Variants in LPP observed in about 807,000 individuals in gnomAD.
LPP encodes LIM domain containing preferred translocation partner in lipoma.
A neutral mutation model predicts 60.4 loss-of-function variants in LPP; 38 were observed. The ratio of observed to expected loss-of-function variants is 0.63; its 90% CI spans 0.49 to 0.83. The LOEUF (loss-of-function observed/expected upper bound fraction) is 0.83, where lower values mean the gene tolerates loss of function less well. Ranked by LOEUF, LPP falls within the 40% of genes least tolerant of loss-of-function variation. The probability of loss-of-function intolerance (pLI) is 0.00; values close to 1 mark genes in which losing one functional copy is unlikely to be tolerated. For missense variants in LPP, 902 were observed against 783.6 expected (o/e 1.15, Z -1.80); for synonymous variants, 328 against 290.8 (o/e 1.13, Z -1.30).
At chr3:188,708,502 G>GTATATCAACTCT in intron 8 of LPP, 109 bp downstream of exon 8, 2 of 1,447,172 alleles carry the variant, frequency 1.4e-6, no homozygotes, top group Non-Finnish European at 1.9e-6. Flanking sequence ...GAGTCCAGAT[G>GTATATCAACTCT]CATGAGAGTT....
chr3:188,708,482 T>A, intron 8 of LPP, 89 bp downstream of exon 8: 1 of 1,559,840 alleles, frequency 6.4e-7, no homozygotes, highest in Non-Finnish European at 8.8e-7. Flanking sequence ...GCTCCACTGG[T>A]AAAGTATTTG....
At chr3:188,696,326 C>G (rs1863231852) in intron 7 of LPP, among the ~76,000 whole-genome samples, 1 of 152,048 alleles carries the variant, frequency 6.6e-6, no homozygotes, top group South Asian at 2.1e-4. Context: ...ATATTAGTTT[C>G]TTAATTGGTG....
At chr3:188,844,393 T>C (rs1188300996) in intron 9 of LPP, among the ~76,000 whole-genome samples, 1 of 152,230 alleles carries the variant, frequency 6.6e-6, no homozygotes, top group East Asian at 1.9e-4. Context: ...GGAAAGGCCT[T>C]TGAAACATAA....
rs1052871250 is a variant in LPP at position 188,888,499 on chromosome 3, G to A, written c.*14020G>A. The A allele has an allele frequency of 1.1e-4, 26 of 227,902 alleles. No homozygotes were observed. Among genetic ancestry groups the A allele is most frequent in the African/African-American group, 5.1e-4 (23 of 45,012 alleles). 14.1% of individuals were successfully genotyped at this position (227,902 alleles called of 1,614,324 possible). On this transcript the variant is annotated 3_prime_UTR_variant, in exon 12 of 12. Coordinates refer to ENST00000617246, the MANE Select transcript of LPP (RefSeq NM_001375462.1). ...CTGAATATAGCCATTTGCCGACTCC[G>A]GCCTCTTTGCGAGACTGACTCAAAT... is the stretch of plus-strand genomic sequence containing the variant.
intron 3 of LPP, among the ~76,000 whole-genome samples, chr3:188,379,249 A>G (rs1213861309): frequency 6.6e-6 from 1 of 152,220 alleles, no homozygotes; most frequent in African/African-American, 2.4e-5. Flanking sequence ...ATTGCCAGCC[A>G]CAATGAAATA....
intron 4 of LPP, among the ~76,000 whole-genome samples, chr3:188,450,717 C>T (rs544432844): frequency 6.7e-6 from 1 of 149,224 alleles, no homozygotes; most frequent in Non-Finnish European, 1.5e-5. Context: ...TGCACTCCAG[C>T]TTGGGTGACA....
At chr3:188,506,111 C>T (rs1490256894) in intron 5 of LPP, among the ~76,000 whole-genome samples, 4 of 152,128 alleles carry the variant, frequency 2.6e-5, no homozygotes, top group African/African-American at 7.2e-5. Flanking sequence ...TTTACTCATA[C>T]GTGTCTGACA....
intron 3 of LPP, among the ~76,000 whole-genome samples, chr3:188,379,230 A>G (rs947437173): frequency 6.6e-6 from 1 of 152,220 alleles, no homozygotes; most frequent in Non-Finnish European, 1.5e-5. Flanking sequence ...ACTAACCAAA[A>G]GTAATTATAT....
chr3:188,203,604 A>AATATATATTTAAATAT (rs1577271854), intron 1 of LPP, among the ~76,000 whole-genome samples: 43 of 110,406 alleles, frequency 3.9e-4, no homozygotes, highest in African/African-American at 1.5e-3. Context: ...AATATATATA[A>AATATATATTTAAATAT]ATATATATTT....
At chr3:188,789,779 C>T (rs968694790) in intron 9 of LPP, among the ~76,000 whole-genome samples, 3 of 152,100 alleles carry the variant, frequency 2.0e-5, no homozygotes, top group African/African-American at 7.2e-5. Context: ...AACCTATCAA[C>T]AGGCAATTCA....
chr3:188,301,716 G>C (rs1749925285), intron 2 of LPP, among the ~76,000 whole-genome samples: 1 of 151,820 alleles, frequency 6.6e-6, no homozygotes, highest in Non-Finnish European at 1.5e-5. Context: ...ACCCAGGCTG[G>C]AGTGCAGTGG....
intron 4 of LPP, among the ~76,000 whole-genome samples, chr3:188,459,067 A>C (rs1217830142): frequency 6.6e-6 from 1 of 152,184 alleles, no homozygotes; most frequent in Non-Finnish European, 1.5e-5. Flanking sequence ...TGGCATTCTT[A>C]AATTAGCTAG....
At chr3:188,457,720 GTC>G (rs1173062492) in intron 4 of LPP, among the ~76,000 whole-genome samples, 1 of 99,752 alleles carries the variant, frequency 1.0e-5, no homozygotes. Flanking sequence ...ATGAAACACT[GTC>G]TCTACTAAAA....
At chr3:188,705,028 G>C (rs1865209122) in intron 7 of LPP, among the ~76,000 whole-genome samples, 1 of 152,132 alleles carries the variant, frequency 6.6e-6, no homozygotes, top group African/African-American at 2.4e-5. Flanking sequence ...CCTTCACTTG[G>C]CCTGGGTTGG....
intron 2 of LPP, among the ~76,000 whole-genome samples, chr3:188,240,593 T>C (rs1006773311): frequency 6.6e-6 from 1 of 152,130 alleles, no homozygotes; most frequent in Non-Finnish European, 1.5e-5. Flanking sequence ...TATTGAGTAG[T>C]TAGGATATTA....
intron 4 of LPP, among the ~76,000 whole-genome samples, chr3:188,431,201 T>G (rs760020263): frequency 7.2e-5 from 11 of 152,128 alleles, no homozygotes; most frequent in Non-Finnish European, 1.2e-4. Flanking sequence ...TGTGCCTATT[T>G]TGAGAACTAC....
At position 188,288,818 on chromosome 3, in the gene LPP, A is replaced by AC. The variant is rs1553851075; in HGVS notation, c.-66-52839dup. ...ATCTCTCTCTCTCTCTCCACCCCCC[A>AC]CCCCCCACCCCCACCCCCCCGCCCC... On this transcript the variant is annotated intron_variant, in intron 2 of 11. Transcript: ENST00000617246. Among the ~76,000 whole-genome samples, 162 of 27,020 alleles carry AC rather than the reference A, an allele frequency of 6.0e-3. 2 individuals are homozygous for AC. Among genetic ancestry groups the AC allele is most frequent in the African/African-American group, 0.01 (51 of 5,046 alleles). The allele number at this position is 27,020 out of a possible 152,430, so 17.7% of individuals were successfully genotyped here.
chr3:188,722,133 G>A (rs1255755925), intron 8 of LPP, among the ~76,000 whole-genome samples: 1 of 152,070 alleles, frequency 6.6e-6, no homozygotes, highest in African/African-American at 2.4e-5. Flanking sequence ...CATTTCCTGA[G>A]GTTTATGAGA....
intron 2 of LPP, among the ~76,000 whole-genome samples, chr3:188,242,815 A>T (rs1444984456): frequency 6.6e-6 from 1 of 152,236 alleles, no homozygotes; most frequent in Non-Finnish European, 1.5e-5. Flanking sequence ...GTAGGGGATG[A>T]TATTGAAGAC....
Sources: allele counts gnomAD v4.1 joint callset (sites outside exome capture counted in the v4.1 genomes callset), GRCh38; gene constraint gnomAD v4.1.1; transcripts MANE v1.5; gene names NCBI Gene and HGNC (gene_info 2026-07-23, HGNC 2026-07-21).